The following STK3 variants were observed in gnomAD, a reference collection of about 807,000 sequenced individuals.
STK3 encodes serine/threonine-protein kinase 3.
In STK3, 41 loss-of-function variants were observed where a neutral mutation model predicts 58.0. The ratio of observed to expected loss-of-function variants is 0.71; its 90% CI spans 0.55 to 0.92. STK3 has a LOEUF of 0.92. Ranked by LOEUF, STK3 falls within the 40% of genes least tolerant of loss-of-function variation. The pLI is 0.00. For synonymous variants in STK3, 170 were observed against 191.0 expected, an observed-to-expected ratio of 0.89 and a Z score of 0.91; for missense variants, 479 against 602.7, an observed-to-expected ratio of 0.79 and a Z score of 2.15.
intron 1 of STK3, chr8:98,904,598 T>C: frequency 1.7e-6 from 1 of 579,276 alleles, no homozygotes; most frequent in Non-Finnish European, 3.4e-6. Context: ...CTCCAGTTTT[T>C]AAAAGGCTGA....
intron 3 of STK3, among the ~76,000 whole-genome samples, chr8:98,417,611 T>A (rs2131050207): frequency 6.6e-6 from 1 of 152,344 alleles, no homozygotes; most frequent in Admixed American, 6.5e-5. Flanking sequence ...GTTCTGTAAC[T>A]GTGAACACGG....
chr8:98,600,726 GA>G lies in STK3; in HGVS notation c.685-4558del, dbSNP rs571411954. Among the ~76,000 whole-genome samples, 207 of 149,610 alleles carry G rather than the reference GA, an allele frequency of 1.4e-3. 1 individual carries two copies. The highest frequency in any genetic ancestry group is 4.2e-3 in the African/African-American group (173 of 40,846). ...CTGTCTCTAACGGTGGAAAACTGAA[GA>G]AAAAAAAAGTCAAACAATTGAGGGT... On this transcript the variant is annotated intron_variant, in intron 6 of 10. Transcript: ENST00000419617.
intron 1 of STK3, among the ~76,000 whole-genome samples, chr8:98,900,278 T>C (rs1838605896): frequency 6.6e-6 from 1 of 152,188 alleles, no homozygotes. Flanking sequence ...GGTTTCACCA[T>C]GTTGGCCAGC....
chr8:98,428,852 C>T lies in STK3; in HGVS notation n.483+5275G>A, dbSNP rs752988916. The T allele has an allele frequency of 1.9e-6, 3 of 1,614,186 alleles. No individual in the cohort carries two copies. The highest frequency in any genetic ancestry group is 2.2e-5 in the South Asian group (2 of 91,084). On this transcript the variant is annotated intron_variant and non_coding_transcript_variant, in intron 3 of 3. Transcript: ENST00000517832. The surrounding 1 kb of genome is among the most constrained non-coding windows in gnomAD (Gnocchi z 6.7). The stretch of plus-strand genomic sequence containing the variant: ...GCACACCTACTTTAGCCAACTTGGG[C>T]AGGGTGGCCCAGGTCCTGAGGCTGA...
At chr8:98,852,793 T>C (rs1836526321) in intron 3 of STK3, among the ~76,000 whole-genome samples, 2 of 152,226 alleles carry the variant, frequency 1.3e-5, no homozygotes, top group African/African-American at 4.8e-5. Context: ...CTTTCTCCCT[T>C]TAAAATAAAC....
In STK3 at chr8:98,407,757, T is replaced by TGC. The variant is rs71273128; in HGVS notation, n.484-6246_484-6245dup. Among the ~76,000 whole-genome samples, 1,272 of 131,336 alleles carry TGC rather than the reference T, an allele frequency of 9.7e-3. 20 individuals carry two copies. Among genetic ancestry groups the TGC allele is most frequent in the African/African-American group, 0.02 (659 of 32,906 alleles). 86.2% of individuals were successfully genotyped at this position (131,336 alleles called of 152,430 possible). A position where few individuals can be genotyped will look rare whatever the true frequency, so the allele number is the denominator to read the frequency against. On this transcript the variant is annotated intron_variant and non_coding_transcript_variant, in intron 3 of 3. Coordinates refer to the STK3 transcript ENST00000517832. Reference sequence around the variant, plus strand: ...GTGTGTGTGTGTGTGTGTGTGTGTGTGCGCGCGCGCGCGCATGCATGGTAT... The same window carrying TGC: ...GTGTGTGTGTGTGTGTGTGTGTGTGTGCGCGCGCGCGCGCGCATGCATGGTAT...
upstream of STK3, chr8:98,825,765 C>CCGG: frequency 4.1e-6 from 1 of 242,336 alleles, no homozygotes; most frequent in African/African-American, 2.9e-5. Flanking sequence ...GCCGCCCCGC[C>CCGG]CCGCCCCCGG....
intron 4 of STK3, among the ~76,000 whole-genome samples, 191 bp from the exon 5 acceptor site, chr8:98,707,502 A>T (rs1219024212): frequency 6.6e-6 from 1 of 152,062 alleles, no homozygotes; most frequent in Non-Finnish European, 1.5e-5. Context: ...TCCTGGGCTC[A>T]AGGCATGCTC....
chr8:98,782,364 T>C (rs962091819), intron 1 of STK3: 3 of 199,340 alleles, frequency 1.5e-5, no homozygotes, highest in East Asian at 1.3e-4. Flanking sequence ...TGCTCAAAGA[T>C]ACTGTGAATC....
intron 1 of STK3, chr8:98,905,182 C>T (rs1838842944): frequency 9.2e-7 from 1 of 1,085,870 alleles, no homozygotes; most frequent in South Asian, 1.2e-5. Context: ...TGATAGCAGC[C>T]ACACTGGTCT....
intron 7 of STK3, among the ~76,000 whole-genome samples, chr8:98,584,163 A>G (rs1203986483): frequency 6.6e-6 from 1 of 151,590 alleles, no homozygotes; most frequent in African/African-American, 2.4e-5. Flanking sequence ...TTAGTTACAT[A>G]TCTATACATG....
At chr8:98,714,286 T>C (rs1222080177) in intron 4 of STK3, among the ~76,000 whole-genome samples, 1 of 152,120 alleles carries the variant, frequency 6.6e-6, no homozygotes, top group Non-Finnish European at 1.5e-5. Context: ...TCAGGGCAAT[T>C]AGGCAGGAGA....
At chr8:98,406,144 A>G (rs1465699902) in intron 3 of STK3, among the ~76,000 whole-genome samples, 2 of 152,146 alleles carry the variant, frequency 1.3e-5, no homozygotes, top group Non-Finnish European at 2.9e-5. Flanking sequence ...TCATTCTCCA[A>G]TCCTCCAGGG....
rs1178928185 is a variant in STK3, at chr8:98,387,872, C to CT, written n.56+319_56+320insA. On this transcript the variant is annotated intron_variant and non_coding_transcript_variant, in intron 1 of 2. Coordinates refer to the STK3 transcript ENST00000518704. ...GAAACCAGAGCTCTTTGTAAAATGCCCTTTTTTTTTTTTTTTTGTCAGATA... is the reference window on the plus strand; with the variant it reads ...GAAACCAGAGCTCTTTGTAAAATGCCTCTTTTTTTTTTTTTTTTGTCAGATA... Among the ~76,000 whole-genome samples, 323 of 144,726 alleles carry CT rather than the reference C, an allele frequency of 2.2e-3. 6 individuals are homozygous for CT. The highest frequency in any genetic ancestry group is 8.7e-3 in the African/African-American group (310 of 35,744). The allele number at this position is 144,726 out of a possible 152,430, so 94.9% of individuals were successfully genotyped here.
intron 6 of STK3, among the ~76,000 whole-genome samples, chr8:98,650,228 T>C (rs560747539): frequency 2.6e-5 from 4 of 152,364 alleles, no homozygotes; most frequent in Admixed American, 2.0e-4. Context: ...TTTTACCTCA[T>C]TCAACATGCT....
At chr8:98,911,850 A>G (rs1279536088) in intron 1 of STK3, among the ~76,000 whole-genome samples, 1 of 152,106 alleles carries the variant, frequency 6.6e-6, no homozygotes, top group Non-Finnish European at 1.5e-5. Context: ...TAAAAAATAA[A>G]GCTTATTCCT....
At chr8:98,801,012 C>A (rs538067330) in intron 1 of STK3, among the ~76,000 whole-genome samples, 1 of 152,336 alleles carries the variant, frequency 6.6e-6, no homozygotes, top group Non-Finnish European at 1.5e-5. Flanking sequence ...CACCCGTGGC[C>A]CTGGCATGGG....
intron 4 of STK3, among the ~76,000 whole-genome samples, chr8:98,712,267 A>T (rs1042103554): frequency 1.3e-5 from 2 of 152,212 alleles, no homozygotes; most frequent in Non-Finnish European, 2.9e-5. Context: ...GACAGGATCA[A>T]ATTCACACAT....
At chr8:98,779,906 GAATA>G (rs1244014821) in intron 1 of STK3, among the ~76,000 whole-genome samples, 5 of 148,080 alleles carry the variant, frequency 3.4e-5, no homozygotes, top group African/African-American at 1.0e-4. Flanking sequence ...ATGAATGAAT[GAATA>G]TATATAAACT....
Sources: allele counts gnomAD v4.1 joint callset (sites outside exome capture counted in the v4.1 genomes callset), GRCh38; gene constraint gnomAD v4.1.1; non-coding constraint Gnocchi (gnomAD v3.1); transcripts MANE v1.5; gene names NCBI Gene and HGNC (gene_info 2026-07-23, HGNC 2026-07-21).